C8orf89: variants seen among roughly 807,000 people sequenced by gnomAD.
C8orf89 encodes the protein putative uncharacterized protein C8orf89.
Under a neutral mutation model 15.8 loss-of-function variants are expected in C8orf89, and 14 were observed. The observed-to-expected ratio is 0.89, with a 90% CI of 0.59 to 1.39. The LOEUF (loss-of-function observed/expected upper bound fraction) is 1.39. Ranked by LOEUF, C8orf89 falls within the 40% of genes most tolerant of loss-of-function variation. The probability of loss-of-function intolerance (pLI) is 0.00; values close to 1 mark genes in which losing one functional copy is unlikely to be tolerated. For synonymous variants in C8orf89, 55 were observed against 62.2 expected (o/e 0.88, Z 0.54); for missense variants, 181 against 184.5 (o/e 0.98, Z 0.11).
chr8:73,264,565 A>C, the C8orf89 span, among the ~76,000 whole-genome samples: 1 of 152,134 alleles, frequency 6.6e-6, no homozygotes, highest in Non-Finnish European at 1.5e-5. Flanking sequence ...ATCTCGGCTC[A>C]CTACAACCTC....
rs1267098655 is a variant in C8orf89 at position 73,256,737 on chromosome 8, A to AT, written c.281+235_281+236insA. Among the ~76,000 whole-genome samples the AT allele has an allele frequency of 8.2e-3, 1,244 of 150,898 alleles. 24 individuals carry two copies. Among genetic ancestry groups the AT allele is most frequent in the African/African-American group, 0.027 (1,124 of 41,180 alleles). On this transcript the variant is annotated intron_variant, in intron 2 of 3. Transcript: ENST00000624510. The stretch of plus-strand genomic sequence containing the variant: ...GCGAGACTCTGTCTCAAAAAAAAAA[A>AT]AAAAAAAAAAAAGCCCTTAAATCTT...
At chr8:73,277,055 C>G in the C8orf89 span, among the ~76,000 whole-genome samples, 1 of 151,986 alleles carries the variant, frequency 6.6e-6, no homozygotes, top group Non-Finnish European at 1.5e-5. Flanking sequence ...GACCTGCCCA[C>G]CTCAGCCTCC....
Position 73,244,648 on chromosome 8 carries a change from GT to G in C8orf89, c.338-3044del, listed in dbSNP as rs1460438348. Among the ~76,000 whole-genome samples the G allele has an allele frequency of 2.6e-5, 4 of 151,974 alleles. No homozygotes were observed. In the South Asian group the frequency reaches 8.3e-4, roughly 32 times the overall value. On this transcript the variant is annotated intron_variant, in intron 3 of 3. Coordinates refer to ENST00000624510, the MANE Select transcript of C8orf89 (RefSeq NM_001243237.3). ...TAGTTGTTATTTTTCTGTTTGTTTT[GT>G]TTTGTTTGCAGGGGTAATATGAGTG...
chr8:73,270,601 G>C, the C8orf89 span, among the ~76,000 whole-genome samples: 1 of 152,116 alleles, frequency 6.6e-6, no homozygotes, highest in Non-Finnish European at 1.5e-5. Context: ...TTAAAATGAA[G>C]CTCTAACAAA....
rs1813476498 is a variant in C8orf89 at position 73,259,364 on chromosome 8, T to G, written c.95A>C (p.Lys32Thr). 6.6e-7 allele frequency: 1 copy of G among 1,521,580 alleles called. No homozygotes were observed. Among genetic ancestry groups the G allele is most frequent in the African/African-American group, 1.4e-5 (1 of 72,866 alleles). The allele number at this position is 1,521,580 out of a possible 1,614,324, so 94.3% of individuals were successfully genotyped here. Reference sequence around the variant, plus strand: ...AATCTTTTGTGTTTCTAAAACTGCTTTCTTCCAACTACTCTCAAAAATCAA... The same window carrying G: ...AATCTTTTGTGTTTCTAAAACTGCTGTCTTCCAACTACTCTCAAAAATCAA... ...SCLIFESSWKKAVLETQKIKK... is the reference protein window; with the variant it reads ...SCLIFESSWKTAVLETQKIKK... Residue 32 changes from lysine (K) to threonine (T), a missense_variant, in exon 1 of 4, where the codon AAA becomes ACA. Lys to Thr is a moderately conservative substitution (Grantham distance 78). Coordinates refer to ENST00000624510, the MANE Select transcript of C8orf89 (RefSeq NM_001243237.3).
upstream of C8orf89, among the ~76,000 whole-genome samples, chr8:73,260,622 C>T (rs748094086): frequency 3.5e-4 from 53 of 152,146 alleles, no homozygotes; most frequent in Admixed American, 9.2e-4. Flanking sequence ...TGGGAGCACA[C>T]AGCAGGGATT....
rs73686906 is a variant in C8orf89, at chr8:73,259,114, A to T, written c.127+218T>A. ...CAGACAAATTTGAGTTTAAAAAAAA[A>T]GAAATACAGCTCTTTAAAATTTGTT... On this transcript the variant is annotated intron_variant, in intron 1 of 3. Transcript: ENST00000624510. Among the ~76,000 whole-genome samples, 1,503 of 152,332 alleles carry T rather than the reference A, an allele frequency of 9.9e-3. 21 individuals are homozygous for T. Among genetic ancestry groups the T allele is most frequent in the African/African-American group, 0.033 (1,383 of 41,568 alleles).
upstream of C8orf89, among the ~76,000 whole-genome samples, chr8:73,263,634 C>T (rs140628138): frequency 7.2e-5 from 11 of 152,266 alleles, no homozygotes; most frequent in East Asian, 1.7e-3. Flanking sequence ...TCCACCCATT[C>T]GTTCACTCAC....
upstream of C8orf89, among the ~76,000 whole-genome samples, chr8:73,264,435 G>A (rs150269173): frequency 1.9e-3 from 283 of 152,294 alleles, no homozygotes; most frequent in Admixed American, 3.9e-3. Context: ...ACTTGGCAAT[G>A]TCATGAGGGG....
At chr8:73,242,975 T>TA (rs1206113631) in intron 3 of C8orf89, among the ~76,000 whole-genome samples, 3 of 151,924 alleles carry the variant, frequency 2.0e-5, no homozygotes, top group African/African-American at 4.8e-5. Context: ...TATTCAGCCA[T>TA]AAAAAAATGA....
chr8:73,277,063 T>A, the C8orf89 span, among the ~76,000 whole-genome samples: 32,178 of 151,850 alleles, frequency 0.21, 4,367 homozygotes, highest in South Asian at 0.45. Context: ...CACCTCAGCC[T>A]CCCAAAGTGC....
At chr8:73,265,143 G>A in the C8orf89 span, among the ~76,000 whole-genome samples, 1 of 151,846 alleles carries the variant, frequency 6.6e-6, no homozygotes, top group South Asian at 2.1e-4. Context: ...ATTTTATGTT[G>A]AAATGATACT....
At chr8:73,272,561 C>G in the C8orf89 span, among the ~76,000 whole-genome samples, 2 of 151,958 alleles carry the variant, frequency 1.3e-5, no homozygotes, top group Admixed American at 1.3e-4. Context: ...CCCATTAACT[C>G]GTCATTTACA....
the C8orf89 span, among the ~76,000 whole-genome samples, chr8:73,285,510 C>G: frequency 6.6e-6 from 1 of 152,232 alleles, no homozygotes; most frequent in Non-Finnish European, 1.5e-5. Flanking sequence ...ACTAGATGAC[C>G]TCTGGACCCG....
chr8:73,274,772 A>G, the C8orf89 span, among the ~76,000 whole-genome samples: 197 of 152,314 alleles, frequency 1.3e-3, 1 homozygote, highest in African/African-American at 4.5e-3. Flanking sequence ...TTGATATCTT[A>G]TTAGTTTTAC....
At chr8:73,258,868 C>T (rs762719773) in intron 1 of C8orf89, among the ~76,000 whole-genome samples, 19 of 152,008 alleles carry the variant, frequency 1.2e-4, no homozygotes, top group Non-Finnish European at 2.2e-4. Context: ...TGGGCTCAAG[C>T]GATCCACCTG....
intron 3 of C8orf89, among the ~76,000 whole-genome samples, chr8:73,245,015 G>A (rs1813093182): frequency 6.6e-6 from 1 of 152,276 alleles, no homozygotes; most frequent in Middle Eastern, 3.4e-3. Flanking sequence ...CATGGCTGGG[G>A]AGGCCTCACA....
upstream of C8orf89, among the ~76,000 whole-genome samples, chr8:73,261,472 G>A (rs1235460695): frequency 6.6e-6 from 1 of 152,014 alleles, no homozygotes; most frequent in African/African-American, 2.4e-5. Flanking sequence ...GGGGAGGGAA[G>A]AGAGGAGGGG....
the C8orf89 span, among the ~76,000 whole-genome samples, chr8:73,270,064 G>A: frequency 6.6e-6 from 1 of 152,110 alleles, no homozygotes; most frequent in Middle Eastern, 3.2e-3. Context: ...ACTTATAGTA[G>A]CAAGAAAATC....
Sources: allele counts gnomAD v4.1 joint callset (sites outside exome capture counted in the v4.1 genomes callset), GRCh38; gene constraint gnomAD v4.1.1; transcripts MANE v1.5; gene names NCBI Gene and HGNC (gene_info 2026-07-23, HGNC 2026-07-21).